Variants in RBFOX1 observed in about 807,000 individuals in gnomAD.
The protein encoded by RBFOX1 is RNA binding fox-1 homolog 1.
RBFOX1 carries 8 observed loss-of-function variants against 57.7 expected under a neutral mutation model. The ratio of observed to expected loss-of-function variants is 0.14; its 90% CI spans 0.08 to 0.25. RBFOX1 has a LOEUF of 0.25. Among genes scored for constraint, RBFOX1 ranks in the 10% least tolerant of loss-of-function variants. The pLI, the probability that RBFOX1 is intolerant of heterozygous loss-of-function variation, is 1.00. For synonymous variants in RBFOX1, 326 were observed against 222.4 expected (o/e 1.47, Z -4.15); for missense variants, 611 against 548.5 (o/e 1.11, Z -1.14).
At chr16:7,009,449 C>T (rs190327611) in intron 3 of RBFOX1, among the ~76,000 whole-genome samples, 1 of 152,024 alleles carries the variant, frequency 6.6e-6, no homozygotes, top group East Asian at 2.0e-4. Flanking sequence ...AGATCACTAA[C>T]ACACGGCCAT....
chr16:7,111,111 C>CAAT (rs2064674559), intron 4 of RBFOX1, among the ~76,000 whole-genome samples: 1 of 152,102 alleles, frequency 6.6e-6, no homozygotes, highest in Non-Finnish European at 1.5e-5. Context: ...GACATGTGGC[C>CAAT]AATCTCATTT....
At chr16:6,147,725 C>G (rs560173312) in intron 1 of RBFOX1, among the ~76,000 whole-genome samples, 60 of 152,302 alleles carry the variant, frequency 3.9e-4, no homozygotes, top group Non-Finnish European at 7.1e-4. Context: ...AAAAGCCTCC[C>G]CAGTCCTCGC....
At chr16:6,584,963 TA>T (rs886986029) in intron 2 of RBFOX1, among the ~76,000 whole-genome samples, 1 of 152,146 alleles carries the variant, frequency 6.6e-6, no homozygotes, top group African/African-American at 2.4e-5. Context: ...TTACTGAAGA[TA>T]AAGGGGAATC....
chr16:6,877,652 G>A (rs1250390497), intron 3 of RBFOX1, among the ~76,000 whole-genome samples: 1 of 152,136 alleles, frequency 6.6e-6, no homozygotes. Context: ...TTACGGACAA[G>A]CCCATACTGA....
intron 3 of RBFOX1, among the ~76,000 whole-genome samples, chr16:5,692,022 AT>A (rs71142643): frequency 0.9 from 136,485 of 151,732 alleles, 62,273 homozygotes; most frequent in East Asian, 1. Flanking sequence ...CTCTTTTTTT[AT>A]TTTTTTTTGC....
intron 3 of RBFOX1, among the ~76,000 whole-genome samples, chr16:6,935,388 A>G (rs898732299): frequency 6.6e-6 from 1 of 152,118 alleles, no homozygotes; most frequent in African/African-American, 2.4e-5. Context: ...CAGACACAAT[A>G]CCATGTGACT....
At chr16:7,459,628 A>C (rs1356870870) in intron 4 of RBFOX1, among the ~76,000 whole-genome samples, 1 of 152,220 alleles carries the variant, frequency 6.6e-6, no homozygotes, top group African/African-American at 2.4e-5. Flanking sequence ...TTCTAGTTTA[A>C]AATATTCTAC....
intron 4 of RBFOX1, among the ~76,000 whole-genome samples, chr16:7,263,232 C>A (rs969055899): frequency 6.6e-6 from 1 of 152,118 alleles, no homozygotes; most frequent in Non-Finnish European, 1.5e-5. Context: ...ATATTCAGCA[C>A]CAGGAAGGTA....
At chr16:7,103,161 G>C (rs986529919) in intron 4 of RBFOX1, among the ~76,000 whole-genome samples, 18 of 151,890 alleles carry the variant, frequency 1.2e-4, no homozygotes, top group Admixed American at 9.8e-4. Flanking sequence ...TATTCCATTT[G>C]AGGATTTGCA....
chr16:5,286,944 G>A (rs1246107095), intron 1 of RBFOX1, among the ~76,000 whole-genome samples: 2 of 152,120 alleles, frequency 1.3e-5, no homozygotes, highest in African/African-American at 4.8e-5. Flanking sequence ...TTATTCCCTG[G>A]GGCTGGGCCA....
intron 4 of RBFOX1, among the ~76,000 whole-genome samples, chr16:7,130,612 C>A (rs995521236): frequency 1.3e-5 from 2 of 152,128 alleles, no homozygotes; most frequent in African/African-American, 4.8e-5. Flanking sequence ...TATGTAGGGT[C>A]TGCAGTGGTG....
At chr16:5,742,963 C>T (rs975126067) in intron 3 of RBFOX1, among the ~76,000 whole-genome samples, 4 of 152,106 alleles carry the variant, frequency 2.6e-5, no homozygotes, top group African/African-American at 7.2e-5. Flanking sequence ...AGACACTGAA[C>T]GTGTGCTGGG....
chr16:5,624,826 G>A (rs73527655), intron 3 of RBFOX1, among the ~76,000 whole-genome samples: 16,810 of 152,260 alleles, frequency 0.11, 3,074 homozygotes, highest in African/African-American at 0.38. Context: ...CTTATGGCAG[G>A]ATGGGGGGAC....
At chr16:6,150,579 A>T (rs2096790485) in intron 1 of RBFOX1, among the ~76,000 whole-genome samples, 1 of 152,104 alleles carries the variant, frequency 6.6e-6, no homozygotes, top group South Asian at 2.1e-4. Context: ...CATCACAGAG[A>T]GGTGTTATTC....
intron 3 of RBFOX1, among the ~76,000 whole-genome samples, chr16:6,913,780 G>A (rs1343327409): frequency 6.6e-6 from 1 of 152,144 alleles, no homozygotes; most frequent in Admixed American, 6.5e-5. Context: ...GGAAGCTATT[G>A]AGTCTGAAAC....
chr16:6,802,030 A>T (rs1346906840), intron 3 of RBFOX1, among the ~76,000 whole-genome samples: 1 of 152,062 alleles, frequency 6.6e-6, no homozygotes, highest in African/African-American at 2.4e-5. Context: ...TAGACCCCGC[A>T]ATAAACTTGT....
chr16:7,391,014 G>A lies in RBFOX1; in HGVS notation c.28-127133G>A, dbSNP rs182709091. 1.6e-3 allele frequency among the ~76,000 whole-genome samples: 240 copies of A among 152,192 alleles called. 4 individuals carry two copies. The highest frequency in any genetic ancestry group is 5.3e-4 in the Non-Finnish European group (36 of 68,018). The stretch of plus-strand genomic sequence containing the variant: ...TGTGGGGTCTTCCTTGCTGACCCTC[G>A]TGCTTTTTGGAGGCTCATTGGTAAG... On this transcript the variant is annotated intron_variant, in intron 4 of 15. Coordinates refer to ENST00000550418, the MANE Select transcript of RBFOX1 (RefSeq NM_018723.4).
At chr16:5,428,240 G>A (rs114815137) in intron 1 of RBFOX1, among the ~76,000 whole-genome samples, 2 of 152,136 alleles carry the variant, frequency 1.3e-5, no homozygotes, top group Non-Finnish European at 2.9e-5. Flanking sequence ...GGCAAACCTT[G>A]AGAAGCCAGA....
intron 3 of RBFOX1, among the ~76,000 whole-genome samples, chr16:6,839,480 A>C (rs1040833459): frequency 1.4e-4 from 21 of 152,198 alleles, no homozygotes; most frequent in Admixed American, 4.6e-4. Flanking sequence ...TCTGGGCACA[A>C]ATAGGTTTCT....
Sources: gnomAD v4.1 joint callset for allele counts (sites outside exome capture counted in the v4.1 genomes callset) on GRCh38, gnomAD v4.1.1 for gene constraint, MANE v1.5 for transcripts, NCBI Gene and HGNC (gene_info 2026-07-23, HGNC 2026-07-21) for gene names.